Variants in GSN observed in about 807,000 individuals in gnomAD.
The protein encoded by GSN is actin-depolymerizing factor.
In GSN, 56 loss-of-function variants were observed where a neutral mutation model predicts 85.7. The ratio of observed to expected loss-of-function variants is 0.65; its 90% CI spans 0.53 to 0.82. The LOEUF (loss-of-function observed/expected upper bound fraction) is 0.82. Among genes scored for constraint, GSN ranks in the 40% least tolerant of loss-of-function variants. GSN has a pLI of 0.00. For missense variants in GSN, 857 were observed against 979.8 expected (o/e 0.87, Z 1.67); for synonymous variants, 373 against 399.1 (o/e 0.93, Z 0.78).
intron 1 of GSN, among the ~76,000 whole-genome samples, chr9:121,276,432 C>T (rs554307628): frequency 2.6e-5 from 4 of 152,340 alleles, no homozygotes; most frequent in East Asian, 3.9e-4. Flanking sequence ...CTAGAGCCCA[C>T]GCCAGGTCCC....
chr9:121,313,772 C>T, intron 6 of GSN, 162 bp from the exon 7 acceptor site: 1 of 677,996 alleles, frequency 1.5e-6, no homozygotes, highest in Non-Finnish European at 2.7e-6. Flanking sequence ...ATGGACAGAT[C>T]TGGACATGTG....
At chr9:121,284,258 G>A (rs994135671) in intron 2 of GSN, 1 of 167,056 alleles carries the variant, frequency 6.0e-6, no homozygotes. Context: ...AAGCCATGAG[G>A]GTGCAATTTT....
chr9:121,298,284 A>T, intron 2 of GSN, among the ~76,000 whole-genome samples: 1 of 152,170 alleles, frequency 6.6e-6, no homozygotes, highest in East Asian at 1.9e-4. Context: ...TCCCCCTGGA[A>T]TGTCTTTTCT....
intron 4 of GSN, 136 bp from the exon 5 acceptor site, chr9:121,310,548 C>A: frequency 1.3e-6 from 1 of 775,762 alleles, no homozygotes; most frequent in South Asian, 1.5e-5. Flanking sequence ...CCTGAGTTAA[C>A]TGAGAATCAC....
At chr9:121,304,591 C>G (rs887110640) in intron 4 of GSN, among the ~76,000 whole-genome samples, 4 of 152,216 alleles carry the variant, frequency 2.6e-5, no homozygotes, top group Admixed American at 2.6e-4. Context: ...CAATCATCCT[C>G]CATTCATCAT....
At chr9:121,254,056 CT>C (rs1338208403) in intron 6 of GSN, among the ~76,000 whole-genome samples, 1 of 152,144 alleles carries the variant, frequency 6.6e-6, no homozygotes, top group African/African-American at 2.4e-5. Flanking sequence ...TTCTCTCGTT[CT>C]TTAGCAGAAG....
At chr9:121,310,523 A>C in intron 4 of GSN, 161 bp from the exon 5 acceptor site, 2 of 718,460 alleles carry the variant, frequency 2.8e-6, no homozygotes, top group South Asian at 3.0e-5. Flanking sequence ...CAAACAAGAT[A>C]ATGGGTATGA....
At chr9:121,277,952 G>A (rs529670735) in intron 1 of GSN, among the ~76,000 whole-genome samples, 1 of 151,888 alleles carries the variant, frequency 6.6e-6, no homozygotes, top group African/African-American at 2.4e-5. Context: ...GCAACAGAGA[G>A]GGTGTGTAGC....
chr9:121,269,975 C>T (rs1588552188), intron 1 of GSN, among the ~76,000 whole-genome samples: 2 of 152,212 alleles, frequency 1.3e-5, no homozygotes, highest in Admixed American at 1.3e-4. Flanking sequence ...CCTCAAGATG[C>T]TTGCCATCTA....
Position 121,321,327 on chromosome 9 carries a change from C to A in GSN, c.1251C>A (p.Phe417Leu), listed in dbSNP as rs1299082302. The A allele has an allele frequency of 6.2e-7, 1 of 1,613,840 alleles. No individual in the cohort carries two copies. The highest frequency in any genetic ancestry group is 1.3e-5 in the African/African-American group (1 of 75,028). Residue 417 changes from phenylalanine (F) to leucine (L), a missense_variant, in exon 11 of 18, where the codon TTC becomes TTA. By Grantham distance (22) the Phe-to-Leu change is conservative. Transcript: ENST00000432226. ...VPVDPATYGQ[F>L]YGGDSYIILY... ...TGGACCCTGCCACATATGGACAGTT[C>A]TATGGAGGCGACAGCTACATCATTC...
intron 1 of GSN, among the ~76,000 whole-genome samples, chr9:121,272,029 T>C (rs2056052171): frequency 6.6e-6 from 1 of 152,200 alleles, no homozygotes; most frequent in African/African-American, 2.4e-5. Flanking sequence ...GTTATGCATT[T>C]TGGGGAGGAA....
chr9:121,293,033 G>T (rs2058841473), intron 2 of GSN, among the ~76,000 whole-genome samples: 1 of 152,184 alleles, frequency 6.6e-6, no homozygotes, highest in Non-Finnish European at 1.5e-5. Flanking sequence ...GCCATAGTTG[G>T]TATGGGAGGC....
chr9:121,276,463 G>A (rs1275173283), intron 1 of GSN, among the ~76,000 whole-genome samples: 1 of 152,208 alleles, frequency 6.6e-6, no homozygotes, highest in Non-Finnish European at 1.5e-5. Context: ...CCTCACAAAG[G>A]ACCGAATGAC....
intron 5 of GSN, chr9:121,312,020 C>T (rs1434251252): frequency 5.9e-6 from 2 of 341,190 alleles, no homozygotes; most frequent in Non-Finnish European, 1.1e-5. Context: ...GCTTTAGTGG[C>T]TATGGCCAAA....
At chr9:121,319,313 A>C (rs1386191242) in intron 10 of GSN, among the ~76,000 whole-genome samples, 1 of 151,464 alleles carries the variant, frequency 6.6e-6, no homozygotes. Flanking sequence ...GGGACTCGCT[A>C]TGTTCGGAAA....
chr9:121,324,632 T>C lies in GSN; in HGVS notation c.1404T>C (p.Gly468=). The C allele has an allele frequency of 6.5e-7, 1 of 1,530,784 alleles. No individual in the cohort carries two copies. The highest frequency in any genetic ancestry group is 8.8e-7 in the Non-Finnish European group (1 of 1,130,780). 94.8% of individuals were successfully genotyped at this position (1,530,784 alleles called of 1,614,324 possible). A position where few individuals can be genotyped will look rare whatever the true frequency, so the allele number is the denominator to read the frequency against. ...CTCAGCTGGATGAGGAGCTGGGAGGTACCCCTGTCCAGGTGAGCCCAGCCC... is the reference window on the plus strand; with the variant it reads ...CTCAGCTGGATGAGGAGCTGGGAGGCACCCCTGTCCAGGTGAGCCCAGCCC... The part of the protein sequence containing the change: ...LTAQLDEELG[G]TPVQSRVVQG... The change falls in exon 12 of 18, where the codon GGT becomes GGC. Residue 468 remains glycine, a synonymous_variant. Transcript: ENST00000432226.
chr9:121,319,142 A>C (rs1379312638), intron 10 of GSN, among the ~76,000 whole-genome samples: 1 of 152,226 alleles, frequency 6.6e-6, no homozygotes, highest in Non-Finnish European at 1.5e-5. Context: ...GATCAGTGGA[A>C]GATGGGAGGG....
chr9:121,292,463 G>A (rs1157066844), intron 2 of GSN, among the ~76,000 whole-genome samples: 1 of 152,194 alleles, frequency 6.6e-6, no homozygotes, highest in African/African-American at 2.4e-5. Context: ...CCAGTGAGCT[G>A]TATGTGTGTA....
At chr9:121,217,632 C>T (rs1421475208) in intron 4 of GSN, among the ~76,000 whole-genome samples, 1 of 151,932 alleles carries the variant, frequency 6.6e-6, no homozygotes, top group African/African-American at 2.4e-5. Context: ...TTAATTACCT[C>T]ATTAAAGACC....
Sources: gnomAD v4.1 joint callset for allele counts (sites outside exome capture counted in the v4.1 genomes callset) on GRCh38, gnomAD v4.1.1 for gene constraint, MANE v1.5 for transcripts, NCBI Gene and HGNC (gene_info 2026-07-23, HGNC 2026-07-21) for gene names.